The following FCRL1 variants were observed in gnomAD, a reference collection of about 807,000 sequenced individuals.
FCRL1 encodes Fc receptor-like protein 1.
FCRL1 carries 34 observed loss-of-function variants against 49.2 expected under a neutral mutation model. The ratio of observed to expected loss-of-function variants is 0.69; its 90% CI spans 0.53 to 0.92. The LOEUF (loss-of-function observed/expected upper bound fraction) is 0.92, where lower values mean the gene tolerates loss of function less well. Among genes scored for constraint, FCRL1 ranks in the 40% least tolerant of loss-of-function variants. The pLI is 0.00. For synonymous variants in FCRL1, 218 were observed against 201.6 expected, an observed-to-expected ratio of 1.08 and a Z score of -0.69; for missense variants, 524 against 524.1, an observed-to-expected ratio of 1.00 and a Z score of 0.00.
chr1:157,797,541 A>C, intron 9 of FCRL1: 1 of 603,984 alleles, frequency 1.7e-6, no homozygotes, highest in South Asian at 2.0e-5. Context: ...TAGGCCATAC[A>C]ATGACACCTT....
chr1:157,808,253 T>A (rs979787260), intron 1 of FCRL1, among the ~76,000 whole-genome samples: 3 of 152,092 alleles, frequency 2.0e-5, no homozygotes, highest in Admixed American at 2.0e-4. Flanking sequence ...GAGAGCCAAT[T>A]TAAAAATAAG....
At chr1:157,798,046 T>A in intron 8 of FCRL1, 107 bp from the exon 9 acceptor site, 1 of 1,508,126 alleles carries the variant, frequency 6.6e-7, no homozygotes, top group African/African-American at 1.4e-5. Context: ...GAGTCATTTG[T>A]TTGTAGCAGA....
chr1:157,813,346 A>C (rs1364165961), intron 1 of FCRL1, among the ~76,000 whole-genome samples: 1 of 152,242 alleles, frequency 6.6e-6, no homozygotes, highest in Non-Finnish European at 1.5e-5. Flanking sequence ...AAGTTCAATA[A>C]AATCTGGAAA....
intron 1 of FCRL1, among the ~76,000 whole-genome samples, chr1:157,809,866 A>G (rs1205236003): frequency 2.6e-5 from 4 of 152,236 alleles, no homozygotes; most frequent in Admixed American, 2.0e-4. Flanking sequence ...CAAGGTTGCA[A>G]TGAGCCATGA....
chr1:157,798,297 A>G (rs1651874612), intron 7 of FCRL1, 54 bp from the exon 8 acceptor site: 1 of 1,426,744 alleles, frequency 7.0e-7, no homozygotes, highest in South Asian at 1.3e-5. Flanking sequence ...CAGATCATGC[A>G]GATATCACAC....
At chr1:157,809,412 A>AAAAAAC (rs371616374) in intron 1 of FCRL1, among the ~76,000 whole-genome samples, 1 of 152,162 alleles carries the variant, frequency 6.6e-6, no homozygotes, top group East Asian at 1.9e-4. Context: ...CCCTGTTTGT[A>AAAAAAC]AAAAACAAAA....
chr1:157,818,469 G>A (rs905383549), intron 1 of FCRL1, among the ~76,000 whole-genome samples: 1 of 151,918 alleles, frequency 6.6e-6, no homozygotes, highest in African/African-American at 2.4e-5. Context: ...ATAGAAGGAC[G>A]GTGCAGAATC....
At chr1:157,809,823 C>T (rs1373868115) in intron 1 of FCRL1, among the ~76,000 whole-genome samples, 1 of 152,154 alleles carries the variant, frequency 6.6e-6, no homozygotes, top group Non-Finnish European at 1.5e-5. Context: ...ACTCAGGGAG[C>T]TGAGGCAGGT....
At chr1:157,809,337 A>G (rs553472830) in intron 1 of FCRL1, among the ~76,000 whole-genome samples, 1 of 152,104 alleles carries the variant, frequency 6.6e-6, no homozygotes, top group Non-Finnish European at 1.5e-5. Context: ...GGGAGGATTG[A>G]TGGGGGCCAG....
chr1:157,809,633 T>C (rs1031515721), intron 1 of FCRL1, among the ~76,000 whole-genome samples: 2 of 152,108 alleles, frequency 1.3e-5, no homozygotes, highest in African/African-American at 4.8e-5. Flanking sequence ...TGTATTTTTT[T>C]TTTCTTTAGT....
chr1:157,797,272 G>T (rs923195052), intron 9 of FCRL1, 140 bp from the exon 10 acceptor site: 2 of 960,720 alleles, frequency 2.1e-6, no homozygotes, highest in African/African-American at 1.6e-5. Context: ...TTGCTTTTCT[G>T]TTTATCACAA....
chr1:157,803,246 G>T (rs939359561), intron 3 of FCRL1, among the ~76,000 whole-genome samples: 9 of 152,210 alleles, frequency 5.9e-5, no homozygotes, highest in Non-Finnish European at 1.0e-4. Flanking sequence ...AAGCGTGGGA[G>T]AGCACAGCCT....
intron 7 of FCRL1, among the ~76,000 whole-genome samples, chr1:157,799,070 G>A (rs547123839): frequency 3.0e-4 from 45 of 152,152 alleles, no homozygotes; most frequent in South Asian, 2.3e-3. Context: ...GTGCCATCTC[G>A]GCTCACTGCA....
At position 157,801,525 on chromosome 1, in the gene FCRL1, C is replaced by G; in HGVS notation, c.939G>C (p.Leu313=). The G allele has an allele frequency of 6.2e-7, 1 of 1,614,096 alleles. No homozygotes were observed. Among genetic ancestry groups the G allele is most frequent in the Non-Finnish European group, 8.5e-7 (1 of 1,179,998 alleles). ...NHLTSGVIEG[L]LSTLGPATVA... ...CGGTGGCTGGACCAAGGGTGCTGAG[C>G]AGCCCCTCAATGACTCCTGAGGTAA... is the stretch of plus-strand genomic sequence containing the variant. Residue 313 remains leucine (L), a synonymous_variant, in exon 6 of 11, where the codon CTG becomes CTC. Transcript: ENST00000368176.
chr1:157,809,522 C>G (rs1412310901), intron 1 of FCRL1, among the ~76,000 whole-genome samples: 1 of 152,240 alleles, frequency 6.6e-6, no homozygotes, highest in African/African-American at 2.4e-5. Flanking sequence ...AATCTTGGCT[C>G]ACTGCATCCT....
chr1:157,797,194 GT>G, intron 9 of FCRL1, 62 bp from the exon 10 acceptor site: 1 of 1,502,602 alleles, frequency 6.7e-7, no homozygotes, highest in Non-Finnish European at 9.3e-7. Context: ...CACTAAACTT[GT>G]GTTAAGAAAA....
intron 4 of FCRL1, 59 bp from the exon 5 acceptor site, chr1:157,802,252 C>G: frequency 6.3e-7 from 1 of 1,580,636 alleles, no homozygotes; most frequent in South Asian, 1.2e-5. Context: ...ACTCATAATC[C>G]CTGCCCACCG....
intron 1 of FCRL1, among the ~76,000 whole-genome samples, chr1:157,812,283 C>A (rs940386669): frequency 8.5e-5 from 13 of 152,198 alleles, no homozygotes; most frequent in African/African-American, 2.6e-4. Context: ...GGGAGTGAAC[C>A]CAATATTGCA....
At chr1:157,808,421 T>C (rs1239644188) in intron 1 of FCRL1, among the ~76,000 whole-genome samples, 1 of 152,176 alleles carries the variant, frequency 6.6e-6, no homozygotes, top group South Asian at 2.1e-4. Flanking sequence ...TCTGAATATT[T>C]GGGAAAGAGC....
Sources: allele counts gnomAD v4.1 joint callset (sites outside exome capture counted in the v4.1 genomes callset), GRCh38; gene constraint gnomAD v4.1.1; transcripts MANE v1.5; gene names NCBI Gene and HGNC (gene_info 2026-07-23, HGNC 2026-07-21).